Variants in WWP2 observed in about 807,000 individuals in gnomAD.
WWP2 encodes the protein WW domain containing E3 ubiquitin protein ligase 2.
In WWP2, 57 loss-of-function variants were observed where a neutral mutation model predicts 121.0. The observed-to-expected ratio is 0.47, with a 90% CI of 0.38 to 0.59. WWP2 has a LOEUF of 0.59. Ranked by LOEUF, WWP2 falls within the 20% of genes least tolerant of loss-of-function variation. The pLI is 0.00. For synonymous variants in WWP2, 449 were observed against 441.3 expected, an observed-to-expected ratio of 1.02 and a Z score of -0.22; for missense variants, 962 against 1,158.9, an observed-to-expected ratio of 0.83 and a Z score of 2.47.
chr16:69,825,576 A>T (rs551004082), intron 4 of WWP2, among the ~76,000 whole-genome samples: 1 of 150,394 alleles, frequency 6.6e-6, no homozygotes, highest in Non-Finnish European at 1.5e-5. Flanking sequence ...TTGAAAGCTA[A>T]TATTATTTAT....
At chr16:69,926,377 C>T (rs2058639628) in intron 11 of WWP2, among the ~76,000 whole-genome samples, 1 of 152,050 alleles carries the variant, frequency 6.6e-6, no homozygotes, top group African/African-American at 2.4e-5. Context: ...AGACGGTAAA[C>T]GTTGGTTTGG....
chr16:69,798,562 A>C (rs1257538793), intron 2 of WWP2, 120 bp from the exon 3 acceptor site: 5 of 1,247,092 alleles, frequency 4.0e-6, no homozygotes, highest in African/African-American at 1.5e-5. Flanking sequence ...ATCAAGACAA[A>C]ACAAAATGTA....
chr16:69,868,764 G>T (rs1310365045), intron 6 of WWP2, among the ~76,000 whole-genome samples: 1 of 152,056 alleles, frequency 6.6e-6, no homozygotes, highest in Non-Finnish European at 1.5e-5. Flanking sequence ...TTTCCCTTTG[G>T]AACTCATTTG....
intron 10 of WWP2, among the ~76,000 whole-genome samples, chr16:69,922,607 G>C (rs2058579603): frequency 6.6e-6 from 1 of 152,178 alleles, no homozygotes; most frequent in South Asian, 2.1e-4. Flanking sequence ...TCTCATTTTA[G>C]GGGAATGTGG....
chr16:69,862,887 G>T lies in WWP2; in HGVS notation c.576-8917G>T, dbSNP rs116716684. On this transcript the variant is annotated intron_variant, in intron 6 of 23. Transcript: ENST00000359154. Reference sequence around the variant, plus strand: ...ATCACAGGCACTTGCCACTATACCTGGCTAATTTAAAATAATTTTTTATGG... The same window carrying T: ...ATCACAGGCACTTGCCACTATACCTTGCTAATTTAAAATAATTTTTTATGG... Among the ~76,000 whole-genome samples the T allele has an allele frequency of 5.3e-3, 804 of 151,808 alleles. 8 individuals are homozygous for T. The highest frequency in any genetic ancestry group is 0.018 in the African/African-American group (762 of 41,378).
At chr16:69,815,755 C>G (rs1191475731) in intron 4 of WWP2, among the ~76,000 whole-genome samples, 2 of 150,704 alleles carry the variant, frequency 1.3e-5, no homozygotes, top group African/African-American at 4.9e-5. Context: ...CCATTGCACT[C>G]CAGCCTGGGC....
chr16:69,936,268 C>T (rs2058796309), intron 18 of WWP2, 44 bp from the exon 19 acceptor site: 1 of 1,612,884 alleles, frequency 6.2e-7, no homozygotes, highest in Non-Finnish European at 8.5e-7. Flanking sequence ...AGGAAAGACC[C>T]TGACACGGTA....
intron 14 of WWP2, 109 bp from the exon 15 acceptor site, chr16:69,931,400 T>A (rs2058709574): frequency 1.3e-6 from 2 of 1,508,654 alleles, no homozygotes; most frequent in Admixed American, 1.8e-5. Flanking sequence ...CTAGGGCACA[T>A]GCTATTGCCT....
chr16:69,862,806 G>A (rs963040180), intron 6 of WWP2, among the ~76,000 whole-genome samples: 1 of 148,918 alleles, frequency 6.7e-6, no homozygotes, highest in Non-Finnish European at 1.5e-5. Flanking sequence ...GCTCACTGCG[G>A]CCTCGACCTC....
intron 2 of WWP2, among the ~76,000 whole-genome samples, chr16:69,790,973 G>T (rs77234177): frequency 0.061 from 9,265 of 152,172 alleles, 864 homozygotes; most frequent in African/African-American, 0.2. Context: ...ATTATTGATT[G>T]TTTTTGTAGT....
intron 2 of WWP2, among the ~76,000 whole-genome samples, chr16:69,798,226 A>T (rs1179972496): frequency 6.6e-6 from 1 of 152,228 alleles, no homozygotes; most frequent in Non-Finnish European, 1.5e-5. Flanking sequence ...AATACTCAAG[A>T]AAGGCATGCA....
At chr16:69,840,829 G>A (rs1255850902) in intron 5 of WWP2, among the ~76,000 whole-genome samples, 1 of 152,174 alleles carries the variant, frequency 6.6e-6, no homozygotes, top group Non-Finnish European at 1.5e-5. Context: ...AATGGGTTGG[G>A]TTTCTCCATA....
chr16:69,902,773 G>A (rs1359614191), intron 8 of WWP2, among the ~76,000 whole-genome samples: 1 of 152,190 alleles, frequency 6.6e-6, no homozygotes, highest in Non-Finnish European at 1.5e-5. Flanking sequence ...AACCAAGACA[G>A]TCGGAGGCTC....
At chr16:69,905,597 A>G (rs548962219) in intron 8 of WWP2, among the ~76,000 whole-genome samples, 1 of 152,372 alleles carries the variant, frequency 6.6e-6, no homozygotes, top group Non-Finnish European at 1.5e-5. Context: ...TCTGAAAACA[A>G]AAAATCCAAA....
At chr16:69,788,744 A>G (rs2055844399) in intron 2 of WWP2, among the ~76,000 whole-genome samples, 1 of 152,174 alleles carries the variant, frequency 6.6e-6, no homozygotes, top group Non-Finnish European at 1.5e-5. Flanking sequence ...CTCCTTCAAT[A>G]GAGTGTAAGA....
At chr16:69,846,856 G>A (rs184971618) in intron 6 of WWP2, among the ~76,000 whole-genome samples, 2 of 152,186 alleles carry the variant, frequency 1.3e-5, no homozygotes, top group East Asian at 3.9e-4. Flanking sequence ...TTGTTTCTTT[G>A]CCTGGGTGGT....
intron 11 of WWP2, among the ~76,000 whole-genome samples, chr16:69,929,178 C>A (rs1365176983): frequency 6.6e-6 from 1 of 152,092 alleles, no homozygotes; most frequent in East Asian, 1.9e-4. Context: ...GCCACACCAC[C>A]CCCTCCCTCC....
rs190553795 is a variant in WWP2 at position 69,772,996 on chromosome 16, A to G, written c.-16+10605A>G. On this transcript the variant is annotated intron_variant, in intron 1 of 23. Coordinates refer to ENST00000359154, the MANE Select transcript of WWP2 (RefSeq NM_001270454.2). ...TTTTGTATTGCTTCCTGTCATTTTG[A>G]TGGAGTTTGAGAAGGGAACAGAGAT... Among the ~76,000 whole-genome samples the G allele has an allele frequency of 9.9e-5, 15 of 151,184 alleles. No individual in the cohort carries two copies. In the East Asian group the frequency reaches 2.9e-3, roughly 29 times the overall value.
At chr16:69,850,687 A>T (rs1379271776) in intron 6 of WWP2, among the ~76,000 whole-genome samples, 1 of 152,186 alleles carries the variant, frequency 6.6e-6, no homozygotes, top group Admixed American at 6.5e-5. Flanking sequence ...AGAGAACTTG[A>T]TGTATTTGAG....
Sources: allele counts gnomAD v4.1 joint callset (sites outside exome capture counted in the v4.1 genomes callset), GRCh38; gene constraint gnomAD v4.1.1; transcripts MANE v1.5; gene names NCBI Gene and HGNC (gene_info 2026-07-23, HGNC 2026-07-21).